The following EIF2D variants were observed in gnomAD, a reference collection of about 807,000 sequenced individuals.
The protein encoded by EIF2D is hepatocellular carcinoma-associated antigen 56.
Under a neutral mutation model 77.4 loss-of-function variants are expected in EIF2D, and 56 were observed. The observed-to-expected ratio is 0.72, with a 90% CI of 0.58 to 0.90. The LOEUF is 0.90. Among genes scored for constraint, EIF2D ranks in the 40% least tolerant of loss-of-function variants. The pLI, the probability that EIF2D is intolerant of heterozygous loss-of-function variation, is 0.00. For synonymous variants in EIF2D, 230 were observed against 271.0 expected, an observed-to-expected ratio of 0.85 and a Z score of 1.49; for missense variants, 574 against 706.5, an observed-to-expected ratio of 0.81 and a Z score of 2.13.
At chr1:206,609,202 G>A (rs1354530667) in intron 3 of EIF2D, among the ~76,000 whole-genome samples, 174 bp downstream of exon 3, 2 of 152,224 alleles carry the variant, frequency 1.3e-5, no homozygotes, top group Non-Finnish European at 2.9e-5. Flanking sequence ...AACAGGGCCA[G>A]AGGGGCCCAG....
chr1:206,588,161 G>A (rs531226103), downstream of EIF2D: 7 of 152,956 alleles, frequency 4.6e-5, no homozygotes, highest in African/African-American at 1.4e-4. Context: ...ATAGGAGTAG[G>A]GCGAGTTTGC....
exon 4 of EIF2D, chr1:206,580,715 G>C (rs1553406117): frequency 1.3e-5 from 2 of 152,288 alleles, no homozygotes; most frequent in Non-Finnish European, 2.9e-5. Context: ...GAGATGGCCA[G>C]AGCTGCTTGC....
Position 206,603,083 on chromosome 1 carries a change from T to G in EIF2D, c.652A>C (p.Met218Leu), listed in dbSNP as rs1188815899. 4 of 1,614,196 alleles carry G rather than the reference T, an allele frequency of 2.5e-6. No homozygotes were observed. Among genetic ancestry groups the G allele is most frequent in the South Asian group, 1.1e-5 (1 of 91,078 alleles). ...TTCTCCTCTTCCCCCTCCAGGGTCA[T>G]GTGCCTCATGTCTCCCTGCAGGGTG... The part of the protein sequence containing the change: ...DSTLQGDMRH[M>L]TLEGEEENGE... Residue 218 changes from methionine (M) to leucine (L), a missense_variant, in exon 6 of 15, where the codon ATG becomes CTG. By Grantham distance (15) the Met-to-Leu change is conservative (BLOSUM62 2). Coordinates refer to ENST00000271764, the MANE Select transcript of EIF2D (RefSeq NM_006893.3).
intron 2 of EIF2D, chr1:206,586,551 A>AT: frequency 3.3e-6 from 1 of 302,028 alleles, no homozygotes; most frequent in South Asian, 3.8e-5. Flanking sequence ...CTCGGCTGCT[A>AT]CACAGAAACT....
chr1:206,569,779 C>T (rs559017516), downstream of EIF2D, among the ~76,000 whole-genome samples: 5 of 152,164 alleles, frequency 3.3e-5, no homozygotes, highest in African/African-American at 4.8e-5. Flanking sequence ...CAGGCATGCC[C>T]GCTACGACTG....
intron 13 of EIF2D, chr1:206,594,883 G>C (rs917830949): frequency 7.9e-5 from 12 of 152,086 alleles, no homozygotes; most frequent in African/African-American, 2.9e-4. Context: ...TCAATAAATA[G>C]TGACTGTTAC....
chr1:206,577,031 G>C (rs1007448528), intron 4 of EIF2D, among the ~76,000 whole-genome samples: 3 of 149,900 alleles, frequency 2.0e-5, no homozygotes, highest in Non-Finnish European at 3.0e-5. Flanking sequence ...GACTGGTCTC[G>C]AACTCCTGGG....
In EIF2D at chr1:206,605,509, TAAG is replaced by T. The variant is rs1553412497; in HGVS notation, c.423-5_423-3del. On this transcript the variant is annotated splice_region_variant and splice_polypyrimidine_tract_variant and intron_variant, in intron 4 of 14. Coordinates refer to ENST00000271764, the MANE Select transcript of EIF2D (RefSeq NM_006893.3). ...GCAACTCCAATGGCTACAGGGGCTC[TAAG>T]AAGAAGGAAGCCAGAGACCAGGGTC... 4 of 1,613,474 alleles carry T rather than the reference TAAG, an allele frequency of 2.5e-6. No individual in the cohort carries two copies. Among genetic ancestry groups the T allele is most frequent in the Non-Finnish European group, 3.4e-6 (4 of 1,179,594 alleles).
chr1:206,575,214 C>T (rs575901583), intron 4 of EIF2D, among the ~76,000 whole-genome samples: 5 of 152,036 alleles, frequency 3.3e-5, no homozygotes, highest in Admixed American at 6.6e-5. Flanking sequence ...ACAGAAGCAC[C>T]GGGTGTTTGG....
At chr1:206,586,823 C>T, downstream of EIF2D, 1 of 1,611,272 alleles carries the variant, frequency 6.2e-7, no homozygotes, top group East Asian at 2.2e-5. Flanking sequence ...TCTCGCCTCA[C>T]AGTGGGATGC....
intron 11 of EIF2D, 127 bp downstream of exon 11, chr1:206,598,876 T>C: frequency 1.1e-6 from 1 of 913,382 alleles, no homozygotes; most frequent in Non-Finnish European, 1.7e-6. Context: ...TGGAAACCAC[T>C]GATCTTAATT....
chr1:206,602,252 C>T, intron 7 of EIF2D, 84 bp downstream of exon 7: 1 of 1,008,884 alleles, frequency 9.9e-7, no homozygotes, highest in Non-Finnish European at 1.6e-6. Flanking sequence ...CCAGTCCCTG[C>T]ATTGGCCCCA....
intron 4 of EIF2D, among the ~76,000 whole-genome samples, chr1:206,576,405 T>C (rs934383485): frequency 3.9e-5 from 6 of 152,330 alleles, no homozygotes; most frequent in African/African-American, 1.4e-4. Flanking sequence ...GCCAGCTTTG[T>C]TGCCTCCTCA....
At chr1:206,590,221 C>G (rs1480714372), downstream of EIF2D, among the ~76,000 whole-genome samples, 1 of 152,146 alleles carries the variant, frequency 6.6e-6, no homozygotes, top group African/African-American at 2.4e-5. Context: ...AAAAACCACT[C>G]AATGCACAGG....
Position 206,584,879 on chromosome 1 carries a change from A to G in EIF2D, c.139-3717T>C. On this transcript the variant is annotated intron_variant and NMD_transcript_variant, in intron 2 of 5. Transcript: ENST00000472709. This position sits in a 1 kb window ranked among gnomAD's most constrained non-coding sequence, Gnocchi z 4.9. ...AGCAGAGTCCCTGACTCTGCATGTG[A>G]CTTCAGGAAAACCACACCCTAGGCT... 1.6e-6 allele frequency: 1 copy of G among 635,024 alleles called. No homozygotes were observed. Among genetic ancestry groups the G allele is most frequent in the East Asian group, 2.7e-5 (1 of 36,608 alleles). The allele number at this position is 635,024 out of a possible 1,614,324, so 39.3% of individuals were successfully genotyped here. A position where few individuals can be genotyped will look rare whatever the true frequency, so the allele number is the denominator to read the frequency against.
At chr1:206,576,159 T>C (rs1013731636) in intron 4 of EIF2D, among the ~76,000 whole-genome samples, 1 of 152,178 alleles carries the variant, frequency 6.6e-6, no homozygotes, top group Non-Finnish European at 1.5e-5. Context: ...CATTAAACAA[T>C]AAAAGGCAGC....
chr1:206,573,532 AC>A (rs1668527576), intron 4 of EIF2D, among the ~76,000 whole-genome samples: 1 of 152,232 alleles, frequency 6.6e-6, no homozygotes, highest in African/African-American at 2.4e-5. Context: ...TCACTACTGC[AC>A]TGTAATTCCT....
At chr1:206,585,105 C>T in intron 2 of EIF2D, 1 of 1,121,654 alleles carries the variant, frequency 8.9e-7, no homozygotes, top group Non-Finnish European at 1.3e-6. Flanking sequence ...TCTGCATTTC[C>T]AATCCTTTCC....
rs1038163442 is a variant in EIF2D at position 206,584,322 on chromosome 1, G to C, written c.139-3160C>G. 6.7e-7 allele frequency: 1 copy of C among 1,500,958 alleles called. No homozygotes were observed. Among genetic ancestry groups the C allele is most frequent in the Non-Finnish European group, 9.0e-7 (1 of 1,110,250 alleles). The allele number at this position is 1,500,958 out of a possible 1,614,324, so 93.0% of individuals were successfully genotyped here. The stretch of plus-strand genomic sequence containing the variant: ...TGGGTGCTGCTGGGGCAATGGCCCC[G>C]AGTGGCAGATATGATCATGCAAGGC... On this transcript the variant is annotated intron_variant and NMD_transcript_variant, in intron 2 of 5. Coordinates refer to the EIF2D transcript ENST00000472709. The surrounding 1 kb of genome is among the most constrained non-coding windows in gnomAD (Gnocchi z 4.9).
Sources: allele counts gnomAD v4.1 joint callset (sites outside exome capture counted in the v4.1 genomes callset), GRCh38; gene constraint gnomAD v4.1.1; non-coding constraint Gnocchi (gnomAD v3.1); transcripts MANE v1.5; gene names NCBI Gene and HGNC (gene_info 2026-07-23, HGNC 2026-07-21).